SDC3: variants seen among roughly 807,000 people sequenced by gnomAD.
SDC3 encodes the protein syndecan 3.
SDC3 carries 13 observed loss-of-function variants against 24.4 expected under a neutral mutation model. That is an observed-to-expected ratio of 0.53 (90% CI 0.35 to 0.85). The LOEUF is 0.85. Among genes scored for constraint, SDC3 ranks in the 40% least tolerant of loss-of-function variants. The pLI, the probability that SDC3 is intolerant of heterozygous loss-of-function variation, is 0.01. For synonymous variants in SDC3, 295 were observed against 260.9 expected, an observed-to-expected ratio of 1.13 and a Z score of -1.26; for missense variants, 571 against 584.5, an observed-to-expected ratio of 0.98 and a Z score of 0.24.
chr1:30,876,383 C>T (rs1639637237), intron 3 of SDC3, among the ~76,000 whole-genome samples, 169 bp downstream of exon 3: 1 of 152,176 alleles, frequency 6.6e-6, no homozygotes, highest in Non-Finnish European at 1.5e-5. Flanking sequence ...TTCTGTCCCT[C>T]TTCCCTCCCT....
intron 3 of SDC3, among the ~76,000 whole-genome samples, chr1:30,875,392 C>T (rs780682694): frequency 5.3e-5 from 8 of 152,270 alleles, no homozygotes; most frequent in Non-Finnish European, 1.2e-4. Context: ...CCTGCTTGGC[C>T]AAGTCTGTGT....
At chr1:30,886,688 G>A (rs1639833750) in intron 1 of SDC3, among the ~76,000 whole-genome samples, 1 of 152,190 alleles carries the variant, frequency 6.6e-6, no homozygotes, top group Admixed American at 6.5e-5. Flanking sequence ...TGCAGGGAAT[G>A]CCAGTTTGTG....
chr1:30,877,068 G>A lies in SDC3; in HGVS notation c.354C>T (p.Asn118=). Residue 118 remains asparagine (N), a synonymous_variant, in exon 3 of 5, where the codon AAC becomes AAT. Coordinates refer to ENST00000339394, the MANE Select transcript of SDC3 (RefSeq NM_014654.4). ...STTPAVLPTT[N]IQPVGTPFEE... is the part of the protein sequence containing the mutation. ...CAAATGGTGTGCCCACAGGCTGGAT[G>A]TTCGTGGTGGGCAGCACCGCAGGTG... The A allele has an allele frequency of 1.9e-6, 3 of 1,614,026 alleles. No homozygotes were observed. Among genetic ancestry groups the A allele is most frequent in the Non-Finnish European group, 2.5e-6 (3 of 1,180,002 alleles).
At chr1:30,874,629 C>G in intron 3 of SDC3, 41 bp from the exon 4 acceptor site, 1 of 1,579,828 alleles carries the variant, frequency 6.3e-7, no homozygotes, top group Middle Eastern at 1.7e-4. Context: ...ACCACACATG[C>G]ATGCATAACC....
chr1:30,906,168 A>G (rs1638515742), intron 1 of SDC3, among the ~76,000 whole-genome samples: 1 of 152,180 alleles, frequency 6.6e-6, no homozygotes, highest in Non-Finnish European at 1.5e-5. Context: ...CCCGGCAACC[A>G]GGTACCACCC....
chr1:30,898,761 G>T (rs1289509979), intron 1 of SDC3, among the ~76,000 whole-genome samples: 1 of 152,156 alleles, frequency 6.6e-6, no homozygotes. Context: ...CTTTCTGATA[G>T]TTCCTCAAAT....
rs1194542736 is a variant in SDC3, at chr1:30,870,856, C to A, written c.*2355G>T. ...TCTTCTGGGGCTGGGGGCCCAAGCCCTTTTCTCCTCTATCCTCCCTGGTTT... is the reference window on the plus strand; with the variant it reads ...TCTTCTGGGGCTGGGGGCCCAAGCCATTTTCTCCTCTATCCTCCCTGGTTT... On this transcript the variant is annotated 3_prime_UTR_variant, in exon 5 of 5. Coordinates refer to ENST00000339394, the MANE Select transcript of SDC3 (RefSeq NM_014654.4). 6.5e-6 allele frequency: 1 copy of A among 152,850 alleles called. No individual in the cohort carries two copies. The highest frequency in any genetic ancestry group is 1.5e-5 in the Non-Finnish European group (1 of 68,454). The allele number at this position is 152,850 out of a possible 1,614,324, so 9.5% of individuals were successfully genotyped here.
chr1:30,875,372 G>A (rs1020779923), intron 3 of SDC3, among the ~76,000 whole-genome samples: 3 of 152,170 alleles, frequency 2.0e-5, no homozygotes, highest in Admixed American at 6.5e-5. Context: ...CCCCATCACT[G>A]TTTCCCCTTC....
intron 1 of SDC3, among the ~76,000 whole-genome samples, chr1:30,891,757 G>A (rs1639907493): frequency 2.0e-5 from 3 of 151,820 alleles, no homozygotes; most frequent in African/African-American, 4.8e-5. Context: ...GAAGGCTGAG[G>A]CAGGAGGATG....
intron 1 of SDC3, among the ~76,000 whole-genome samples, chr1:30,903,931 AT>A (rs1304163657): frequency 6.6e-6 from 1 of 151,778 alleles, no homozygotes; most frequent in Non-Finnish European, 1.5e-5. Context: ...CCTCTGTAAA[AT>A]GGGGGTTCTG....
intron 1 of SDC3, among the ~76,000 whole-genome samples, chr1:30,885,610 G>A (rs937296228): frequency 7.2e-5 from 11 of 152,328 alleles, no homozygotes; most frequent in African/African-American, 2.4e-4. Flanking sequence ...GAAAAGGGGG[G>A]TGGAAAGGAA....
chr1:30,893,703 G>A (rs1249188489), intron 1 of SDC3, among the ~76,000 whole-genome samples: 1 of 152,042 alleles, frequency 6.6e-6, no homozygotes, highest in African/African-American at 2.4e-5. Flanking sequence ...CGAGGCCCTA[G>A]TGCCGAAGAC....
chr1:30,902,876 G>A (rs1223220384), intron 1 of SDC3, among the ~76,000 whole-genome samples: 1 of 152,232 alleles, frequency 6.6e-6, no homozygotes, highest in Admixed American at 6.5e-5. Flanking sequence ...ACACAGGAAA[G>A]GACACAAGCC....
intron 1 of SDC3, among the ~76,000 whole-genome samples, chr1:30,900,621 G>A (rs1638396539): frequency 6.6e-6 from 1 of 152,106 alleles, no homozygotes; most frequent in Admixed American, 6.5e-5. Flanking sequence ...GCCTACTCAG[G>A]CCCTGCATCC....
rs1469400624 is a variant in SDC3 at position 30,908,513 on chromosome 1, G to A, written c.74C>T (p.Pro25Leu). Residue 25 changes from proline (P) to leucine (L), a missense_variant, in exon 1 of 5, where the codon CCC (proline) becomes CTC (leucine). Physicochemically the swap from Pro to Leu is moderately conservative, Grantham distance 98. This residue lies in a region of SDC3 where 497 missense variants were observed against 471.6 expected (regional missense o/e 1.05). Transcript: ENST00000339394. ...TGGCAGGAGCAGCCCGCGGGCCCCG[G>A]GCCCGGCCGCGGCCCCGGCCCCGGC... ...AGAGAGAAAG[P>L]GARGLLLPPL... 4.6e-5 allele frequency: 45 copies of A among 976,706 alleles called. No homozygotes were observed. The South Asian group carries it at 1.7e-3, about 37-fold the overall frequency. The allele number at this position is 976,706 out of a possible 1,614,324, so 60.5% of individuals were successfully genotyped here. A position where few individuals can be genotyped will look rare whatever the true frequency, so the allele number is the denominator to read the frequency against.
chr1:30,884,508 A>G (rs574093638), intron 1 of SDC3, among the ~76,000 whole-genome samples: 39 of 151,290 alleles, frequency 2.6e-4, no homozygotes, highest in African/African-American at 9.5e-4. Context: ...CTCTCCTGTC[A>G]CCTCCAGTCT....
At chr1:30,884,393 G>A (rs963935864) in intron 1 of SDC3, among the ~76,000 whole-genome samples, 2 of 151,820 alleles carry the variant, frequency 1.3e-5, no homozygotes, top group Non-Finnish European at 2.9e-5. Context: ...ATCTACAAAG[G>A]CAGCTCAGAG....
intron 2 of SDC3, chr1:30,877,736 G>T (rs1639673786): frequency 6.4e-6 from 1 of 157,038 alleles, no homozygotes; most frequent in Non-Finnish European, 1.4e-5. Flanking sequence ...TAGGGGATGG[G>T]GGAGGGAGAA....
At chr1:30,882,602 G>A (rs1639762287) in intron 1 of SDC3, among the ~76,000 whole-genome samples, 1 of 152,146 alleles carries the variant, frequency 6.6e-6, no homozygotes, top group Admixed American at 6.5e-5. Flanking sequence ...GTCCAAATGA[G>A]CTGGATGTCA....
Sources: allele counts gnomAD v4.1 joint callset (sites outside exome capture counted in the v4.1 genomes callset), GRCh38; gene constraint gnomAD v4.1.1; regional missense constraint gnomAD v4.1.1; transcripts MANE v1.5; gene names NCBI Gene and HGNC (gene_info 2026-07-23, HGNC 2026-07-21).